The following SAMD4A variants were observed in gnomAD, a reference collection of about 807,000 sequenced individuals.
The protein encoded by SAMD4A is protein Smaug homolog 1.
Under a neutral mutation model 81.3 loss-of-function variants are expected in SAMD4A, and 33 were observed. The ratio of observed to expected loss-of-function variants is 0.41; its 90% confidence interval spans 0.31 to 0.54. The LOEUF (loss-of-function observed/expected upper bound fraction) is 0.54, where lower values mean the gene tolerates loss of function less well. Among genes scored for constraint, SAMD4A ranks in the 20% least tolerant of loss-of-function variants. The pLI is 0.37. For missense variants in SAMD4A, 854 were observed against 951.1 expected (o/e 0.90, Z 1.34); for synonymous variants, 389 against 382.1 (o/e 1.02, Z -0.21).
At chr14:54,644,527 A>G (rs1316990593) in intron 2 of SAMD4A, among the ~76,000 whole-genome samples, 1 of 152,206 alleles carries the variant, frequency 6.6e-6, no homozygotes, top group Non-Finnish European at 1.5e-5. Context: ...AAGAAGACAT[A>G]AAGAGGCTAC....
At chr14:54,731,998 A>G (rs1057310024) in intron 3 of SAMD4A, among the ~76,000 whole-genome samples, 2 of 152,236 alleles carry the variant, frequency 1.3e-5, no homozygotes, top group African/African-American at 4.8e-5. Flanking sequence ...CTTGAATTTG[A>G]GGAGATAGTT....
At chr14:54,630,908 A>ATGTGTGTGTGTGTG (rs5808786) in intron 2 of SAMD4A, among the ~76,000 whole-genome samples, 1 of 144,292 alleles carries the variant, frequency 6.9e-6, no homozygotes. Context: ...TGTATTTTAT[A>ATGTGTGTGTGTGTG]TGTGTGTGTG....
At chr14:54,714,775 A>G (rs1183748728) in intron 3 of SAMD4A, among the ~76,000 whole-genome samples, 1 of 152,144 alleles carries the variant, frequency 6.6e-6, no homozygotes, top group Non-Finnish European at 1.5e-5. Context: ...TTCTTCCACA[A>G]GCCCAGCCTC....
At chr14:54,607,568 G>A (rs2034244541) in intron 2 of SAMD4A, among the ~76,000 whole-genome samples, 1 of 151,098 alleles carries the variant, frequency 6.6e-6, no homozygotes, top group African/African-American at 2.4e-5. Context: ...CCATTCTCCT[G>A]CCTCAGCCTC....
At position 54,626,051 on chromosome 14, in the gene SAMD4A, TGTGTGTGTGCGCGC is replaced by T. The variant is rs1157568471; in HGVS notation, c.196+57941_196+57954del. Among the ~76,000 whole-genome samples, 559 of 129,584 alleles carry T rather than the reference TGTGTGTGTGCGCGC, an allele frequency of 4.3e-3. 3 individuals carry two copies. The highest frequency in any genetic ancestry group is 0.012 in the African/African-American group (389 of 31,780). 85.0% of individuals were successfully genotyped at this position (129,584 alleles called of 152,430 possible). ...GTGTGTGTGTGTGTGTGTGTGTGTG[TGTGTGTGTGCGCGC>T]GCGCGCGCGCGAGTGCGCACATGTG... is the stretch of plus-strand genomic sequence containing the variant. On this transcript the variant is annotated intron_variant, in intron 2 of 12. Coordinates refer to ENST00000554335, the MANE Select transcript of SAMD4A (RefSeq NM_015589.6).
chr14:54,599,080 A>T (rs1452502787), intron 2 of SAMD4A, among the ~76,000 whole-genome samples: 1 of 152,198 alleles, frequency 6.6e-6, no homozygotes, highest in East Asian at 1.9e-4. Context: ...TCGGCCTCCC[A>T]AAGTGCTAGG....
chr14:54,704,289 C>G (rs1455719253), intron 3 of SAMD4A, among the ~76,000 whole-genome samples: 1 of 152,168 alleles, frequency 6.6e-6, no homozygotes, highest in East Asian at 1.9e-4. Flanking sequence ...TTTCCTGCAT[C>G]AGCAACAGAA....
intron 3 of SAMD4A, among the ~76,000 whole-genome samples, chr14:54,715,260 G>C (rs1404251046): frequency 6.6e-6 from 1 of 151,952 alleles, no homozygotes; most frequent in Non-Finnish European, 1.5e-5. Context: ...AAACTCACGG[G>C]GATTCTCACT....
intron 2 of SAMD4A, 106 bp downstream of exon 2, chr14:54,568,218 C>T (rs2033002644): frequency 1.8e-6 from 2 of 1,108,892 alleles, no homozygotes; most frequent in Non-Finnish European, 1.2e-6. Context: ...CCAGCCGCGC[C>T]GGGACCTGGA....
At position 54,789,380 on chromosome 14, in the gene SAMD4A, G is replaced by A. The variant is rs368925283; in HGVS notation, c.*436G>A. On this transcript the variant is annotated 3_prime_UTR_variant, in exon 13 of 13. Transcript: ENST00000554335. The stretch of plus-strand genomic sequence containing the variant: ...CAGGCAGGCCACAGAAGGATATCGC[G>A]GGCACGTGCACCCAAAGCAAGATAG... 35 of 190,214 alleles carry A rather than the reference G, an allele frequency of 1.8e-4. No homozygotes were observed. In the East Asian group the frequency reaches 2.2e-3, roughly 12 times the overall value. The allele number at this position is 190,214 out of a possible 1,614,324, so 11.8% of individuals were successfully genotyped here. A position where few individuals can be genotyped will look rare whatever the true frequency, so the allele number is the denominator to read the frequency against.
chr14:54,565,965 C>A (rs990636116), upstream of SAMD4A, among the ~76,000 whole-genome samples: 2 of 151,850 alleles, frequency 1.3e-5, no homozygotes, highest in Non-Finnish European at 2.9e-5. This position sits in a 1 kb window ranked among gnomAD's most constrained non-coding sequence, Gnocchi z 5.4. Context: ...GCGCCGGGTC[C>A]GGGGTTCCTC....
rs1490839706 is a variant in SAMD4A at position 54,791,516 on chromosome 14, T to C, written c.*2572T>C. Reference sequence around the variant, plus strand: ...AGAGATATTATTTTGGATATGTTACTTATTAACTTGCTATGGCTGGTAACC... The same window carrying C: ...AGAGATATTATTTTGGATATGTTACCTATTAACTTGCTATGGCTGGTAACC... On this transcript the variant is annotated 3_prime_UTR_variant, in exon 13 of 13. Transcript: ENST00000554335. 6.6e-6 allele frequency: 1 copy of C among 152,270 alleles called. No homozygotes were observed. Among genetic ancestry groups the C allele is most frequent in the African/African-American group, 2.4e-5 (1 of 41,482 alleles). 9.4% of individuals were successfully genotyped at this position (152,270 alleles called of 1,614,324 possible). A position where few individuals can be genotyped will look rare whatever the true frequency, so the allele number is the denominator to read the frequency against.
intron 4 of SAMD4A, 122 bp downstream of exon 4, chr14:54,737,409 A>G: frequency 8.6e-7 from 1 of 1,167,472 alleles, no homozygotes; most frequent in East Asian, 2.4e-5. Flanking sequence ...AGGCTTACGC[A>G]TTTGATCTGT....
intron 2 of SAMD4A, among the ~76,000 whole-genome samples, chr14:54,690,591 T>C (rs1328834559): frequency 6.6e-6 from 1 of 152,216 alleles, no homozygotes; most frequent in African/African-American, 2.4e-5. Flanking sequence ...CCCCAAGTTA[T>C]TTGTGTTACA....
At chr14:54,712,556 G>A (rs559489764) in intron 3 of SAMD4A, among the ~76,000 whole-genome samples, 2 of 152,212 alleles carry the variant, frequency 1.3e-5, no homozygotes, top group South Asian at 2.1e-4. Context: ...TGTTGCCACC[G>A]GCTGATCCTT....
chr14:54,761,217 A>G (rs1049472171), intron 7 of SAMD4A, among the ~76,000 whole-genome samples: 1 of 152,242 alleles, frequency 6.6e-6, no homozygotes, highest in Non-Finnish European at 1.5e-5. Context: ...CCCATTTTAC[A>G]GAGGAGGAAA....
chr14:54,582,406 G>C (rs539369264), intron 2 of SAMD4A, among the ~76,000 whole-genome samples: 1 of 152,250 alleles, frequency 6.6e-6, no homozygotes, highest in East Asian at 1.9e-4. Context: ...TTCAGTCCTT[G>C]AACAGAGCAG....
intron 2 of SAMD4A, among the ~76,000 whole-genome samples, chr14:54,644,680 T>C (rs1358040747): frequency 6.6e-6 from 1 of 152,248 alleles, no homozygotes; most frequent in African/African-American, 2.4e-5. Flanking sequence ...TCAGCTTTAA[T>C]TCTAATGGAG....
chr14:54,735,281 A>G (rs1332299821), intron 3 of SAMD4A: 1 of 151,690 alleles, frequency 6.6e-6, no homozygotes, highest in Non-Finnish European at 1.5e-5. Context: ...CCAGGTAGCA[A>G]TGCATTTTCC....
Sources: allele counts gnomAD v4.1 joint callset (sites outside exome capture counted in the v4.1 genomes callset), GRCh38; gene constraint gnomAD v4.1.1; non-coding constraint Gnocchi (gnomAD v3.1); transcripts MANE v1.5; gene names NCBI Gene and HGNC (gene_info 2026-07-23, HGNC 2026-07-21).